Variants in DNAH2 observed in about 807,000 individuals in gnomAD.
The protein encoded by DNAH2 is dynein axonemal heavy chain 2, also known as axonemal beta dynein heavy chain 2.
In DNAH2, 323 loss-of-function variants were observed where a neutral mutation model predicts 523.5. The ratio of observed to expected loss-of-function variants is 0.62; its 90% confidence interval spans 0.56 to 0.68. DNAH2 has a LOEUF of 0.68. DNAH2 is among the 30% of genes least tolerant of loss of function. DNAH2 has a pLI of 0.00. For synonymous variants in DNAH2, 2,093 were observed against 2,177.4 expected, an observed-to-expected ratio of 0.96 and a Z score of 1.08; for missense variants, 4,907 against 5,701.5, an observed-to-expected ratio of 0.86 and a Z score of 4.49.
chr17:7,742,752 T>G (rs1181167751), intron 11 of DNAH2, among the ~76,000 whole-genome samples, 176 bp from the exon 12 acceptor site: 4 of 152,376 alleles, frequency 2.6e-5, no homozygotes, highest in East Asian at 3.9e-4. Flanking sequence ...CCTATCACCT[T>G]CCTTTTTGAC....
chr17:7,828,092 GT>G lies in DNAH2; in HGVS notation c.11854-2201del, dbSNP rs1408833640. Among the ~76,000 whole-genome samples, 2 of 151,224 alleles carry G rather than the reference GT, an allele frequency of 1.3e-5. No homozygotes were observed. On this transcript the variant is annotated intron_variant, in intron 77 of 85. Transcript: ENST00000572933. This position sits in a 1 kb window ranked among gnomAD's most constrained non-coding sequence, Gnocchi z 4.1. ...TGCCACCACTCTGGCTAATTTTTGT[GT>G]TTTTTTGTAGAGACTGGATTTCACC...
chr17:7,735,419 C>G (rs572103410), intron 7 of DNAH2, among the ~76,000 whole-genome samples: 1 of 152,260 alleles, frequency 6.6e-6, no homozygotes, highest in African/African-American at 2.4e-5. Flanking sequence ...CGTGAGCCAC[C>G]GCACCTGGCT....
intron 50 of DNAH2, 61 bp from the exon 51 acceptor site, chr17:7,797,115 A>T: frequency 1.3e-6 from 2 of 1,494,396 alleles, no homozygotes; most frequent in South Asian, 2.4e-5. Flanking sequence ...AAAAAAAAAA[A>T]AAAAAACTTC....
rs2078164812 is a variant in DNAH2 at position 7,831,210 on chromosome 17, G to A, written c.12355G>A (p.Val4119Met). Reference protein sequence around the residue: ...EAFGQHPNADVASQITEAQTL... With the variant: ...EAFGQHPNADMASQITEAQTL... ...CTTTGGCCAGCACCCCAATGCTGAT[G>A]TGGCCTCTCAGATCACTGAGGCACA... Residue 4119 changes from valine to methionine, a missense_variant, in exon 80 of 86, where the codon GTG (valine) becomes ATG (methionine). By Grantham distance (21) the Val-to-Met change is conservative. Around this residue, in one of 3 missense-constraint regions of DNAH2, gnomAD observed 1,851 missense variants for 2,139.4 expected, o/e 0.87. Transcript: ENST00000572933. The surrounding 1 kb of genome is among the most constrained non-coding windows in gnomAD (Gnocchi z 4.2). 1 of 1,614,192 alleles carries A rather than the reference G, an allele frequency of 6.2e-7. No individual in the cohort carries two copies. The highest frequency in any genetic ancestry group is 2.2e-5 in the East Asian group (1 of 44,880).
At chr17:7,755,077 C>A in intron 12 of DNAH2, 1 of 246,444 alleles carries the variant, frequency 4.1e-6, no homozygotes, top group African/African-American at 2.2e-5. Flanking sequence ...CAGGTAAGTG[C>A]ATACGTTTTA....
chr17:7,819,523 G>T, intron 72 of DNAH2, 115 bp downstream of exon 72: 1 of 1,067,770 alleles, frequency 9.4e-7, no homozygotes, highest in Non-Finnish European at 1.4e-6. Flanking sequence ...GCTGTCCTTG[G>T]CATATGTCCT....
chr17:7,757,384 T>C, intron 13 of DNAH2, 147 bp downstream of exon 13: 2 of 1,094,724 alleles, frequency 1.8e-6, no homozygotes, highest in Non-Finnish European at 2.6e-6. Context: ...TCTCCCACTC[T>C]TACGGCCCTA....
chr17:7,805,031 A>G lies in DNAH2; in HGVS notation c.9257A>G (p.Lys3086Arg). 1.9e-6 allele frequency: 3 copies of G among 1,614,166 alleles called. No individual in the cohort carries two copies. The highest frequency in any genetic ancestry group is 2.5e-6 in the Non-Finnish European group (3 of 1,180,032). The change falls in exon 60 of 86, where the codon AAA becomes AGA. Residue 3086 changes from lysine (K) to arginine (R), a missense_variant. Lys to Arg is a conservative substitution (Grantham distance 26). Coordinates refer to ENST00000572933, the MANE Select transcript of DNAH2 (RefSeq NM_020877.5). Reference protein sequence around the residue: ...KCQALADNAQKDLEEALPALE... With the variant: ...KCQALADNAQRDLEEALPALE... The stretch of plus-strand genomic sequence containing the variant: ...CAGGCACTGGCTGACAATGCCCAGA[A>G]AGATCTAGAAGAGGCACTGCCCGCC...
intron 3 of DNAH2, among the ~76,000 whole-genome samples, chr17:7,724,424 G>T (rs1342571597): frequency 6.6e-6 from 1 of 152,064 alleles, no homozygotes; most frequent in Non-Finnish European, 1.5e-5. Flanking sequence ...TTTGAGACCA[G>T]CCTGGCCAAC....
Position 7,817,875 on chromosome 17 carries a change from AGGTTAGCCC to A in DNAH2, c.10236+20_10236+28del, listed in dbSNP as rs2077723033. 5.6e-6 allele frequency: 9 copies of A among 1,610,088 alleles called. No individual in the cohort carries two copies. Among genetic ancestry groups the A allele is most frequent in the Non-Finnish European group, 7.6e-6 (9 of 1,178,674 alleles). On this transcript the variant is annotated intron_variant, in intron 67 of 85. Transcript: ENST00000572933. ...AGGCCAGGTGTGAGGCTGGGGGGTC[AGGTTAGCCC>A]CCCCCTTCCTGAGGCCCCACCTCTC... is the stretch of plus-strand genomic sequence containing the variant.
intron 72 of DNAH2, among the ~76,000 whole-genome samples, chr17:7,820,201 C>T (rs1201245279): frequency 2.0e-5 from 3 of 152,154 alleles, no homozygotes; most frequent in Non-Finnish European, 4.4e-5. Flanking sequence ...CCCATCTTCC[C>T]ACTGCTTGGC....
rs1225218573 is a variant in DNAH2, at chr17:7,833,000, A to G, written c.12979-71A>G. The G allele has an allele frequency of 1.2e-6, 2 of 1,613,370 alleles. No homozygotes were observed. The highest frequency in any genetic ancestry group is 4.5e-5 in the East Asian group (2 of 44,890). On this transcript the variant is annotated intron_variant, in intron 84 of 85. Transcript: ENST00000572933. This position sits in a 1 kb window ranked among gnomAD's most constrained non-coding sequence, Gnocchi z 4.3. ...AAATAATTGGACGAAAAGGGAGGAG[A>G]GAGGGAGCAGGTCAGGGGCGCTGGC...
intron 5 of DNAH2, 48 bp downstream of exon 5, chr17:7,733,363 C>G (rs1163854175): frequency 1.9e-6 from 3 of 1,583,256 alleles, no homozygotes; most frequent in Non-Finnish European, 2.6e-6. Flanking sequence ...TGTCCCCCAA[C>G]TGTACAACTA....
intron 63 of DNAH2, among the ~76,000 whole-genome samples, chr17:7,814,511 G>A (rs1383696191): frequency 6.6e-6 from 1 of 152,078 alleles, no homozygotes; most frequent in Admixed American, 6.6e-5. Flanking sequence ...AAAAATAGAG[G>A]CATACGCATA....
At chr17:7,830,906 G>A (rs1597799210) in intron 79 of DNAH2, 64 bp downstream of exon 79, 1 of 1,599,052 alleles carries the variant, frequency 6.3e-7, no homozygotes, top group African/African-American at 1.3e-5. Flanking sequence ...GGTGGGATCA[G>A]GGGTGGGGGT....
chr17:7,753,045 G>A (rs1803807150), intron 12 of DNAH2, among the ~76,000 whole-genome samples: 1 of 152,222 alleles, frequency 6.6e-6, no homozygotes, highest in South Asian at 2.1e-4. Flanking sequence ...TTAAGGCCAA[G>A]CGTCAGTTGC....
rs1406005063 is a variant in DNAH2 at position 7,778,422 on chromosome 17, G to C, written c.5494G>C (p.Gly1832Arg). ...TGTCATTGTGGTCAACTGCTCTGAGGGCCTGGACTACAAGTCCATGGGCCG... is the reference window on the plus strand; with the variant it reads ...TGTCATTGTGGTCAACTGCTCTGAGCGCCTGGACTACAAGTCCATGGGCCG... ...IYVIVVNCSEGLDYKSMGRMY... is the reference protein window; with the variant it reads ...IYVIVVNCSERLDYKSMGRMY... The change falls in exon 35 of 86, where the codon GGC becomes CGC. Residue 1832 changes from glycine (G) to arginine (R), a missense_variant. This residue lies in a region of DNAH2 where 2,806 missense variants were observed against 3,190.8 expected (regional missense o/e 0.88). Coordinates refer to ENST00000572933, the MANE Select transcript of DNAH2 (RefSeq NM_020877.5). 6.2e-7 allele frequency: 1 copy of C among 1,614,190 alleles called. No individual in the cohort carries two copies. The highest frequency in any genetic ancestry group is 2.2e-5 in the East Asian group (1 of 44,876).
Position 7,771,363 on chromosome 17 carries a change from C to T in DNAH2, c.4396C>T (p.Leu1466=). Residue 1466 remains leucine, a synonymous_variant, in exon 28 of 86, where the codon CTG becomes TTG. Coordinates refer to ENST00000572933, the MANE Select transcript of DNAH2 (RefSeq NM_020877.5). ...CCTAGGAGAAGACATCCGCAAGCAG[C>T]TGCCCAATGAATCGACCTTATTTGA... ...IFLGEDIRKQ[L]PNESTLFDQV... is the part of the protein sequence containing the mutation. 1 of 1,614,144 alleles carries T rather than the reference C, an allele frequency of 6.2e-7. No individual in the cohort carries two copies. The highest frequency in any genetic ancestry group is 8.5e-7 in the Non-Finnish European group (1 of 1,180,034).
rs772981855 is a variant in DNAH2 at position 7,794,297 on chromosome 17, G to A, written c.7613G>A (p.Arg2538Gln). The change falls in exon 49 of 86, where the codon CGG becomes CAG. Residue 2538 changes from arginine to glutamine, a missense_variant. Around this residue, in one of 3 missense-constraint regions of DNAH2, gnomAD observed 250 missense variants for 371.3 expected, o/e 0.67. Transcript: ENST00000572933. ...MAAMGPPGGG[R>Q]TVISPRLRSR... ...GCCATGGGCCCCCCTGGGGGTGGAC[G>A]GACTGTCATCTCCCCAAGGCTACGG... 6.8e-6 allele frequency: 11 copies of A among 1,609,786 alleles called. No homozygotes were observed. The highest frequency in any genetic ancestry group is 1.6e-4 in the Middle Eastern group (1 of 6,070).
Sources: gnomAD v4.1 joint callset for allele counts (sites outside exome capture counted in the v4.1 genomes callset) on GRCh38, gnomAD v4.1.1 for gene constraint, gnomAD v4.1.1 regional missense constraint, Gnocchi (gnomAD v3.1) non-coding constraint, MANE v1.5 for transcripts, NCBI Gene and HGNC (gene_info 2026-07-23, HGNC 2026-07-21) for gene names.